RSRC1: variants seen among roughly 807,000 people sequenced by gnomAD.
RSRC1 encodes arginine and serine rich coiled-coil 1.
Under a neutral mutation model 49.1 loss-of-function variants are expected in RSRC1, and 39 were observed. The ratio of observed to expected loss-of-function variants is 0.79; its 90% CI spans 0.61 to 1.04. RSRC1 has a LOEUF of 1.04. Ranked by LOEUF, RSRC1 falls within the 50% of genes least tolerant of loss-of-function variation. RSRC1 has a pLI of 0.00. For missense variants in RSRC1, 388 were observed against 402.4 expected (o/e 0.96, Z 0.31); for synonymous variants, 143 against 130.8 (o/e 1.09, Z -0.63).
intron 4 of RSRC1, among the ~76,000 whole-genome samples, chr3:158,267,064 T>G (rs1219286724): frequency 6.6e-6 from 1 of 152,216 alleles, no homozygotes; most frequent in Non-Finnish European, 1.5e-5. Context: ...ATGCCTGGCC[T>G]ATTTCACCTT....
intron 3 of RSRC1, among the ~76,000 whole-genome samples, chr3:158,167,277 C>T (rs1490410588): frequency 6.6e-6 from 1 of 152,124 alleles, no homozygotes; most frequent in Non-Finnish European, 1.5e-5. Flanking sequence ...ACCTCTGCCT[C>T]TCAGGCTCTA....
At chr3:158,127,892 C>T (rs1178843297) in intron 3 of RSRC1, among the ~76,000 whole-genome samples, 2 of 151,538 alleles carry the variant, frequency 1.3e-5, no homozygotes, top group Non-Finnish European at 2.9e-5. Context: ...CCAGCTTCCT[C>T]ATCAGCACCA....
At chr3:158,379,020 CT>C (rs1280372314) in intron 6 of RSRC1, among the ~76,000 whole-genome samples, 2 of 152,046 alleles carry the variant, frequency 1.3e-5, no homozygotes, top group African/African-American at 4.8e-5. Flanking sequence ...TATGTACAAT[CT>C]TTGTTCTCAC....
intron 9 of RSRC1, 91 bp from the exon 10 acceptor site, chr3:158,544,092 T>G (rs1341195560): frequency 1.2e-6 from 1 of 804,950 alleles, no homozygotes; most frequent in Non-Finnish European, 2.1e-6. Context: ...TGTTGAGAGA[T>G]ATATTCTACA....
intron 7 of RSRC1, among the ~76,000 whole-genome samples, chr3:158,487,810 C>T (rs1037932168): frequency 4.0e-5 from 6 of 151,430 alleles, no homozygotes; most frequent in African/African-American, 1.5e-4. Context: ...ATTAGCCGGA[C>T]ATGGTGGTGG....
chr3:158,495,190 T>A (rs1276596253), intron 7 of RSRC1, among the ~76,000 whole-genome samples: 1 of 152,200 alleles, frequency 6.6e-6, no homozygotes, highest in Non-Finnish European at 1.5e-5. Context: ...CAGCCTGTTA[T>A]TGACCAACAC....
chr3:158,173,342 G>A (rs1364779121), intron 3 of RSRC1, among the ~76,000 whole-genome samples: 2 of 151,820 alleles, frequency 1.3e-5, no homozygotes, highest in East Asian at 3.8e-4. Flanking sequence ...TTTTAACTAA[G>A]TCAGTAGGTG....
intron 7 of RSRC1, among the ~76,000 whole-genome samples, chr3:158,514,018 T>A (rs1740355521): frequency 6.6e-6 from 1 of 152,170 alleles, no homozygotes; most frequent in Non-Finnish European, 1.5e-5. Flanking sequence ...TTTTTCTTTA[T>A]TAGTCTTGCT....
rs1724720552 is a variant in RSRC1 at position 158,258,759 on chromosome 3, C to A, written c.495-39280C>A. 3.3e-5 allele frequency among the ~76,000 whole-genome samples: 5 copies of A among 152,136 alleles called. No homozygotes were observed. In the South Asian group the frequency reaches 1.0e-3, roughly 32 times the overall value. On this transcript the variant is annotated intron_variant, in intron 4 of 9. Transcript: ENST00000611884. ...TTTATTCTTTTTTCTTTTGTCTCCT[C>A]TGACCGTGTATTTTCAAATAGCCTG...
intron 3 of RSRC1, among the ~76,000 whole-genome samples, chr3:158,162,012 T>G (rs1718259067): frequency 6.6e-6 from 1 of 152,092 alleles, no homozygotes; most frequent in South Asian, 2.1e-4. Context: ...TGTAATGTAT[T>G]TGTGTGTTTA....
At chr3:158,145,991 C>T (rs1559917994) in intron 3 of RSRC1, among the ~76,000 whole-genome samples, 1 of 152,148 alleles carries the variant, frequency 6.6e-6, no homozygotes, top group Non-Finnish European at 1.5e-5. Flanking sequence ...TATCCTGAGA[C>T]TTTGCTGAAG....
intron 6 of RSRC1, among the ~76,000 whole-genome samples, chr3:158,428,301 G>A (rs1238471954): frequency 6.6e-6 from 1 of 151,716 alleles, no homozygotes; most frequent in Admixed American, 6.6e-5. Context: ...TGTTCAATAC[G>A]GTAAGAAAAA....
At chr3:158,337,408 G>T (rs968862872) in intron 5 of RSRC1, among the ~76,000 whole-genome samples, 6 of 152,320 alleles carry the variant, frequency 3.9e-5, no homozygotes, top group Non-Finnish European at 5.9e-5. Flanking sequence ...ACAGGACAGG[G>T]AGAACTGCCA....
intron 3 of RSRC1, among the ~76,000 whole-genome samples, chr3:158,141,986 T>C (rs1012376270): frequency 6.6e-6 from 1 of 152,116 alleles, no homozygotes; most frequent in East Asian, 1.9e-4. Context: ...TAGTCCCAGC[T>C]ACTCTGGAGG....
intron 3 of RSRC1, among the ~76,000 whole-genome samples, chr3:158,150,758 C>T (rs994009983): frequency 3.3e-5 from 5 of 152,024 alleles, no homozygotes; most frequent in Admixed American, 6.6e-5. Context: ...GAGGTGCTTC[C>T]GGGACTGCCA....
In RSRC1 at chr3:158,244,434, C is replaced by T. The variant is rs1723771778; in HGVS notation, c.494+41189C>T. 2.0e-5 allele frequency among the ~76,000 whole-genome samples: 3 copies of T among 152,118 alleles called. No homozygotes were observed. In the South Asian group the frequency reaches 6.2e-4, roughly 32 times the overall value. Reference sequence around the variant, plus strand: ...GTGATTAATTTCATTTACTGCTTTGCATATGTTGAACCAGCCTTGCATGCC... The same window carrying T: ...GTGATTAATTTCATTTACTGCTTTGTATATGTTGAACCAGCCTTGCATGCC... On this transcript the variant is annotated intron_variant, in intron 4 of 9. Coordinates refer to ENST00000611884, the MANE Select transcript of RSRC1 (RefSeq NM_001271838.2).
intron 4 of RSRC1, among the ~76,000 whole-genome samples, chr3:158,203,549 G>A (rs1721190691): frequency 6.6e-6 from 1 of 152,088 alleles, no homozygotes; most frequent in East Asian, 1.9e-4. Flanking sequence ...GCCTAATTCT[G>A]TAGGAAAGTT....
intron 6 of RSRC1, among the ~76,000 whole-genome samples, chr3:158,385,157 T>A (rs1272986419): frequency 6.6e-6 from 1 of 152,166 alleles, no homozygotes; most frequent in Non-Finnish European, 1.5e-5. Flanking sequence ...CAGAGTACTT[T>A]CCCTTAGAAT....
intron 3 of RSRC1, among the ~76,000 whole-genome samples, chr3:158,195,028 G>C (rs1720493558): frequency 1.3e-5 from 2 of 152,150 alleles, no homozygotes; most frequent in African/African-American, 4.8e-5. Flanking sequence ...TGGGATGGCT[G>C]GGTCATATGG....
Sources: allele counts gnomAD v4.1 joint callset (sites outside exome capture counted in the v4.1 genomes callset), GRCh38; gene constraint gnomAD v4.1.1; transcripts MANE v1.5; gene names NCBI Gene and HGNC (gene_info 2026-07-23, HGNC 2026-07-21).